CDH8: variants seen among roughly 807,000 people sequenced by gnomAD.
CDH8 encodes cadherin-8.
In CDH8, 17 loss-of-function variants were observed where a neutral mutation model predicts 68.1. The observed-to-expected ratio is 0.25, with a 90% CI of 0.17 to 0.37. CDH8 has a LOEUF of 0.37. Ranked by LOEUF, CDH8 falls within the 10% of genes least tolerant of loss-of-function variation. The pLI is 1.00. For synonymous variants in CDH8, 372 were observed against 365.1 expected (o/e 1.02, Z -0.21); for missense variants, 763 against 999.3 (o/e 0.76, Z 3.19).
intron 10 of CDH8, among the ~76,000 whole-genome samples, chr16:61,696,081 T>A (rs1487741486): frequency 6.6e-6 from 1 of 152,180 alleles, no homozygotes; most frequent in Non-Finnish European, 1.5e-5. Flanking sequence ...GTAAGTCACA[T>A]AATAGACAAC....
chr16:61,721,875 C>T (rs1959221360), intron 9 of CDH8, among the ~76,000 whole-genome samples: 1 of 150,730 alleles, frequency 6.6e-6, no homozygotes, highest in African/African-American at 2.4e-5. Context: ...TTTTCGGTCT[C>T]AGCTTTTATA....
intron 8 of CDH8, among the ~76,000 whole-genome samples, chr16:61,749,115 A>C (rs544126942): frequency 6.6e-6 from 1 of 152,070 alleles, no homozygotes; most frequent in Non-Finnish European, 1.5e-5. Flanking sequence ...AATAAAACGT[A>C]CACAGATTTT....
At chr16:61,793,827 A>G (rs183399471) in intron 7 of CDH8, among the ~76,000 whole-genome samples, 3 of 152,180 alleles carry the variant, frequency 2.0e-5, no homozygotes, top group Non-Finnish European at 2.9e-5. Context: ...AGGAATCACC[A>G]CACTGCCTTC....
chr16:61,712,185 T>C (rs1964643690), intron 10 of CDH8, among the ~76,000 whole-genome samples: 4 of 151,678 alleles, frequency 2.6e-5, no homozygotes, highest in South Asian at 4.1e-4. Flanking sequence ...AATTCCAAAA[T>C]TCAAGAAAAC....
intron 10 of CDH8, among the ~76,000 whole-genome samples, chr16:61,681,178 C>G (rs1297579657): frequency 2.0e-5 from 3 of 151,806 alleles, no homozygotes; most frequent in Non-Finnish European, 4.4e-5. Context: ...TCTGAGCTAT[C>G]TATGCAAGAT....
rs546449653 is a variant in CDH8, at chr16:61,931,100, A to G, written c.253-29627T>C. Among the ~76,000 whole-genome samples the G allele has an allele frequency of 5.9e-5, 9 of 152,348 alleles. No homozygotes were observed. In the South Asian group the frequency reaches 1.7e-3, roughly 28 times the overall value. ...ACACCATTTCGAAATTGTGAGATAT[A>G]AACGTACAGTAACAATATATCACTT... On this transcript the variant is annotated intron_variant, in intron 2 of 11. Transcript: ENST00000577390.
intron 3 of CDH8, among the ~76,000 whole-genome samples, chr16:61,859,127 A>G (rs1006395944): frequency 2.0e-5 from 3 of 152,210 alleles, no homozygotes; most frequent in Non-Finnish European, 2.9e-5. Flanking sequence ...ACTCAGAATG[A>G]TGACTCAGAG....
chr16:61,940,783 T>A (rs1273810881), intron 2 of CDH8: 1 of 152,228 alleles, frequency 6.6e-6, no homozygotes, highest in Non-Finnish European at 1.5e-5. Context: ...TAATCATGTC[T>A]GGCTGACTCA....
chr16:61,854,276 T>A (rs1963000832), intron 4 of CDH8, among the ~76,000 whole-genome samples: 1 of 151,960 alleles, frequency 6.6e-6, no homozygotes, highest in African/African-American at 2.4e-5. Context: ...GACCTCAGGA[T>A]CCAAGTCAAG....
rs1488623537 is a variant in CDH8 at position 62,036,305 on chromosome 16, T to C, written c.-425A>G. 2 of 152,952 alleles carry C rather than the reference T, an allele frequency of 1.3e-5. No individual in the cohort carries two copies. Among genetic ancestry groups the C allele is most frequent in the Non-Finnish European group, 1.5e-5 (1 of 68,686 alleles). 9.5% of individuals were successfully genotyped at this position (152,952 alleles called of 1,614,324 possible). On this transcript the variant is annotated 5_prime_UTR_variant, in exon 1 of 12. Transcript: ENST00000577390. ...CGCAACCCAAAGTGCAGCTGGTGTC[T>C]TGACGCTACCGTCTATGCACAAGCC... is the stretch of plus-strand genomic sequence containing the variant.
intron 7 of CDH8, among the ~76,000 whole-genome samples, chr16:61,800,466 C>A (rs985106362): frequency 2.0e-5 from 3 of 152,202 alleles, no homozygotes; most frequent in Non-Finnish European, 4.4e-5. Flanking sequence ...TCTGTCCAAT[C>A]TCAGACCCTT....
chr16:61,848,817 C>A (rs1223343489), intron 4 of CDH8, among the ~76,000 whole-genome samples: 1 of 151,984 alleles, frequency 6.6e-6, no homozygotes, highest in East Asian at 1.9e-4. Context: ...AAGTTAGGTA[C>A]AAGTAAAATT....
At chr16:61,717,414 AC>A (rs1393927302) in intron 9 of CDH8, among the ~76,000 whole-genome samples, 2 of 151,584 alleles carry the variant, frequency 1.3e-5, no homozygotes, top group East Asian at 3.9e-4. Context: ...AAACTAGAAA[AC>A]AATTGTGTGC....
intron 10 of CDH8, among the ~76,000 whole-genome samples, chr16:61,656,472 AAC>A (rs1316144197): frequency 6.6e-6 from 1 of 152,192 alleles, no homozygotes; most frequent in Non-Finnish European, 1.5e-5. Context: ...ACTGTATGAC[AAC>A]ACAGTTGCAA....
intron 2 of CDH8, among the ~76,000 whole-genome samples, chr16:61,910,016 A>C (rs1270504900): frequency 6.6e-6 from 1 of 152,190 alleles, no homozygotes; most frequent in Non-Finnish European, 1.5e-5. Context: ...GCTTGTAGCT[A>C]GACTCCAATA....
At chr16:61,896,893 C>G (rs559653801) in intron 3 of CDH8, among the ~76,000 whole-genome samples, 1 of 152,090 alleles carries the variant, frequency 6.6e-6, no homozygotes, top group South Asian at 2.1e-4. Context: ...AAGTTATTAT[C>G]CTTGCTTTAT....
intron 8 of CDH8, among the ~76,000 whole-genome samples, chr16:61,746,622 C>T (rs1329477959): frequency 6.6e-6 from 1 of 150,506 alleles, no homozygotes. Context: ...TCATTATTTC[C>T]CCCAAGAAAA....
chr16:61,762,348 G>C (rs1960492043), intron 8 of CDH8, among the ~76,000 whole-genome samples: 1 of 152,068 alleles, frequency 6.6e-6, no homozygotes, highest in Non-Finnish European at 1.5e-5. Flanking sequence ...ACTATGTAAA[G>C]GATAAATAGA....
chr16:61,733,854 T>C (rs752473526), intron 8 of CDH8, among the ~76,000 whole-genome samples: 1 of 152,018 alleles, frequency 6.6e-6, no homozygotes, highest in Non-Finnish European at 1.5e-5. Flanking sequence ...TCCATAGTTA[T>C]CTACGACCAC....
Sources: gnomAD v4.1 joint callset for allele counts (sites outside exome capture counted in the v4.1 genomes callset) on GRCh38, gnomAD v4.1.1 for gene constraint, MANE v1.5 for transcripts, NCBI Gene and HGNC (gene_info 2026-07-23, HGNC 2026-07-21) for gene names.